Variants in ZNF717 observed in about 807,000 individuals in gnomAD.
ZNF717 encodes krueppel-like factor X17.
A neutral mutation model predicts 13.8 loss-of-function variants in ZNF717; 9 were observed. The ratio of observed to expected loss-of-function variants is 0.65; its 90% CI spans 0.39 to 1.14. ZNF717 has a LOEUF of 1.14. Ranked by LOEUF, ZNF717 falls within the 50% of genes most tolerant of loss-of-function variation. The pLI, the probability that ZNF717 is intolerant of heterozygous loss-of-function variation, is 0.01. For missense variants in ZNF717, 1,040 were observed against 1,080.7 expected (o/e 0.96, Z 0.53); for synonymous variants, 327 against 364.1 (o/e 0.90, Z 1.16).
At chr3:75,769,716 G>T (rs1943749593) in intron 2 of ZNF717, among the ~76,000 whole-genome samples, 1 of 152,128 alleles carries the variant, frequency 6.6e-6, no homozygotes. Flanking sequence ...CAGTTAATTA[G>T]GTTGTCACTT....
downstream of ZNF717, among the ~76,000 whole-genome samples, chr3:75,733,364 G>A (rs79882587): frequency 6.6e-6 from 1 of 152,210 alleles, no homozygotes; most frequent in Non-Finnish European, 1.5e-5. Flanking sequence ...AGCACACCAG[G>A]CAGGATACAT....
At chr3:75,731,970 G>A (rs1938597923), downstream of ZNF717, 4 of 676,486 alleles carry the variant, frequency 5.9e-6, no homozygotes, top group Admixed American at 2.2e-5. Flanking sequence ...TATAACTGGT[G>A]AATTGCTGAA....
downstream of ZNF717, among the ~76,000 whole-genome samples, chr3:75,728,097 C>G (rs1938327567): frequency 6.6e-6 from 1 of 152,222 alleles, no homozygotes; most frequent in Admixed American, 6.5e-5. Context: ...GGTGCTAGAA[C>G]ATATGGTTTC....
intron 4 of ZNF717, among the ~76,000 whole-genome samples, chr3:75,740,575 T>TA: frequency 1.1e-5 from 1 of 95,174 alleles, no homozygotes; most frequent in East Asian, 2.7e-4. Flanking sequence ...CAGCTATTTT[T>TA]TTTTTTTTTT....
intron 4 of ZNF717, among the ~76,000 whole-genome samples, chr3:75,739,617 C>T (rs74544354): frequency 3.2e-3 from 384 of 120,840 alleles, no homozygotes; most frequent in Middle Eastern, 5.1e-3. Flanking sequence ...TAATAATATG[C>T]ATCTACTTCC....
intron 2 of ZNF717, among the ~76,000 whole-genome samples, chr3:75,754,343 C>T (rs867483792): frequency 6.6e-6 from 1 of 151,288 alleles, no homozygotes; most frequent in Admixed American, 6.6e-5. Context: ...ACAAGGCATA[C>T]TAAAAGGCAA....
chr3:75,737,336 A>C lies in ZNF717; in HGVS notation c.2287T>G (p.Cys763Gly). ...GACTTGTGACAAAAGGTTTTCCCAC[A>C]CTCATTACATTCATAAGGTTTTTCT... Reference protein sequence around the residue: ...TGEKPYECNECGKTFCHKSNL... With the variant: ...TGEKPYECNEGGKTFCHKSNL... The change falls in exon 5 of 5, where the codon TGT becomes GGT. Residue 763 changes from cysteine to glycine, a missense_variant. By Grantham distance (159) the Cys-to-Gly change is radical. Around this residue, in one of 3 missense-constraint regions of ZNF717, gnomAD observed 873 missense variants for 832.8 expected, o/e 1.05. Transcript: ENST00000652011. 1 of 1,552,616 alleles carries C rather than the reference A, an allele frequency of 6.4e-7. No individual in the cohort carries two copies. The highest frequency in any genetic ancestry group is 8.7e-7 in the Non-Finnish European group (1 of 1,147,612).
At chr3:75,712,418 G>A (rs1937959700) in intron 5 of ZNF717, among the ~76,000 whole-genome samples, 1 of 152,174 alleles carries the variant, frequency 6.6e-6, no homozygotes, top group African/African-American at 2.4e-5. Context: ...TATTTTTAAT[G>A]CCAAAGCTTA....
At chr3:75,698,404 G>C (rs1296353486) in intron 6 of ZNF717, among the ~76,000 whole-genome samples, 1 of 152,308 alleles carries the variant, frequency 6.6e-6, no homozygotes, top group African/African-American at 2.4e-5. Context: ...CCCATCATAG[G>C]CCCTGAGGCC....
chr3:75,729,528 T>TTG (rs1938389730), downstream of ZNF717, among the ~76,000 whole-genome samples: 1 of 145,938 alleles, frequency 6.9e-6, no homozygotes, highest in African/African-American at 2.5e-5. Context: ...GGCAGGAGAA[T>TTG]CATTTGAACC....
chr3:75,728,401 G>A (rs1193494067), downstream of ZNF717, among the ~76,000 whole-genome samples: 4 of 152,204 alleles, frequency 2.6e-5, no homozygotes, highest in Admixed American at 1.3e-4. Context: ...AAATTTAAAG[G>A]GGAAAGGGTG....
intron 5 of ZNF717, among the ~76,000 whole-genome samples, chr3:75,715,380 T>G (rs1938026610): frequency 6.6e-6 from 1 of 152,214 alleles, no homozygotes; most frequent in Admixed American, 6.5e-5. Context: ...TTATAATTTT[T>G]ATTTTTTGCT....
downstream of ZNF717, among the ~76,000 whole-genome samples, chr3:75,705,544 G>A (rs1189255711): frequency 2.0e-5 from 3 of 152,396 alleles, no homozygotes; most frequent in South Asian, 6.2e-4. Flanking sequence ...TTCTGGTGAG[G>A]TGTGCAACGC....
At chr3:75,705,403 A>T (rs1937784655), downstream of ZNF717, among the ~76,000 whole-genome samples, 1 of 152,312 alleles carries the variant, frequency 6.6e-6, no homozygotes, top group African/African-American at 2.4e-5. Flanking sequence ...GGAAAAGACA[A>T]AATAGGGATG....
Position 75,738,372 on chromosome 3 carries a change from G to GT in ZNF717, c.1250dup (p.His417GlnfsTer10), listed in dbSNP as rs1479025818. 16 of 1,541,254 alleles carry GT rather than the reference G, an allele frequency of 1.0e-5. No individual in the cohort carries two copies. On this transcript the variant is annotated frameshift_variant, in exon 5 of 5. Transcript: ENST00000652011. LOFTEE classifies it low-confidence loss of function (END_TRUNC). ...CACATGCATAGGGCTTTTCCCCTGT[G>GT]TGAGTTCTATGATGTATTGTGAGGT...
intron 4 of ZNF717, among the ~76,000 whole-genome samples, chr3:75,739,947 C>G (rs1164851088): frequency 6.6e-6 from 1 of 152,218 alleles, no homozygotes; most frequent in East Asian, 1.9e-4. Context: ...AAAACAGATC[C>G]TGGCAAATTC....
At chr3:75,721,438 C>T (rs1252886108) in intron 4 of ZNF717, among the ~76,000 whole-genome samples, 3 of 152,076 alleles carry the variant, frequency 2.0e-5, no homozygotes, top group Admixed American at 6.5e-5. Context: ...AGCGCCAGCA[C>T]GCCTGGCTAA....
intron 2 of ZNF717, among the ~76,000 whole-genome samples, chr3:75,776,162 C>A (rs1240402161): frequency 6.6e-6 from 1 of 152,268 alleles, no homozygotes; most frequent in East Asian, 1.9e-4. Context: ...CCGCCTTGTC[C>A]TTCTTAAGTC....
At chr3:75,743,739 T>A (rs1162476568) in intron 2 of ZNF717, among the ~76,000 whole-genome samples, 56 of 152,380 alleles carry the variant, frequency 3.7e-4, no homozygotes, top group African/African-American at 1.2e-3. Context: ...ACCAATTTGC[T>A]GTGCACTGGG....
Sources: gnomAD v4.1 joint callset for allele counts (sites outside exome capture counted in the v4.1 genomes callset) on GRCh38, gnomAD v4.1.1 for gene constraint, gnomAD v4.1.1 regional missense constraint, MANE v1.5 for transcripts, NCBI Gene and HGNC (gene_info 2026-07-23, HGNC 2026-07-21) for gene names.